GBE1: variants seen among roughly 807,000 people sequenced by gnomAD.
GBE1 encodes the protein 1,4-alpha-glucan-branching enzyme.
A neutral mutation model predicts 88.8 loss-of-function variants in GBE1; 70 were observed. The ratio of observed to expected loss-of-function variants is 0.79; its 90% CI spans 0.65 to 0.96. The LOEUF (loss-of-function observed/expected upper bound fraction) is 0.96. Ranked by LOEUF, GBE1 falls within the 40% of genes least tolerant of loss-of-function variation. The pLI is 0.00. For synonymous variants in GBE1, 284 were observed against 300.1 expected (o/e 0.95, Z 0.56); for missense variants, 872 against 871.0 (o/e 1.00, Z -0.01).
chr3:81,536,311 T>C (rs1703072652), intron 13 of GBE1, among the ~76,000 whole-genome samples: 1 of 151,946 alleles, frequency 6.6e-6, no homozygotes, highest in Non-Finnish European at 1.5e-5. Context: ...AGACATATTA[T>C]ATGTTAACTT....
At chr3:81,559,831 A>G (rs1179221838) in intron 12 of GBE1, among the ~76,000 whole-genome samples, 1 of 152,006 alleles carries the variant, frequency 6.6e-6, no homozygotes, top group Non-Finnish European at 1.5e-5. Context: ...TCTGCTCCAA[A>G]AATATTTGGA....
intron 1 of GBE1, among the ~76,000 whole-genome samples, chr3:81,748,643 G>T (rs1483665660): frequency 6.6e-6 from 1 of 151,586 alleles, no homozygotes; most frequent in African/African-American, 2.4e-5. Context: ...AAAAATTAAT[G>T]ATAATACCAA....
chr3:81,669,286 A>T (rs972244743), intron 3 of GBE1, among the ~76,000 whole-genome samples: 5 of 152,226 alleles, frequency 3.3e-5, no homozygotes, highest in African/African-American at 1.2e-4. Flanking sequence ...CAGTAAAGTT[A>T]ATCTGCCAAT....
At chr3:81,590,468 G>A (rs1703862143) in intron 9 of GBE1, among the ~76,000 whole-genome samples, 1 of 151,908 alleles carries the variant, frequency 6.6e-6, no homozygotes, top group Non-Finnish European at 1.5e-5. Context: ...TCACCAAGAG[G>A]GGAATTGTCA....
Position 81,523,423 on chromosome 3 carries a change from T to C in GBE1, c.1934+11772A>G, listed in dbSNP as rs546729080. The stretch of plus-strand genomic sequence containing the variant: ...TGAGATATTTTGATACAGGATACAA[T>C]ATGTAATAATCACATCAGGGTAAAT... On this transcript the variant is annotated intron_variant, in intron 14 of 15. Coordinates refer to ENST00000429644, the MANE Select transcript of GBE1 (RefSeq NM_000158.4). 1.6e-4 allele frequency among the ~76,000 whole-genome samples: 25 copies of C among 151,706 alleles called. No individual in the cohort carries two copies. The South Asian group carries it at 5.0e-3, about 30-fold the overall frequency.
At chr3:81,674,522 T>C (rs2107120133) in intron 2 of GBE1, among the ~76,000 whole-genome samples, 2 of 152,024 alleles carry the variant, frequency 1.3e-5, no homozygotes, top group East Asian at 1.9e-4. Flanking sequence ...CCTCAAATTA[T>C]TGGTATAAAA....
At chr3:81,699,670 T>C (rs1227437254) in intron 2 of GBE1, among the ~76,000 whole-genome samples, 1 of 152,172 alleles carries the variant, frequency 6.6e-6, no homozygotes, top group African/African-American at 2.4e-5. Context: ...TAGGCCCTTA[T>C]CTTTTTCAAA....
intron 2 of GBE1, among the ~76,000 whole-genome samples, chr3:81,673,492 A>G (rs570677920): frequency 6.6e-6 from 1 of 152,062 alleles, no homozygotes; most frequent in South Asian, 2.1e-4. Context: ...AAAGATTTGG[A>G]TATTTTGAAA....
At chr3:81,593,567 T>A (rs1703910455) in intron 8 of GBE1, among the ~76,000 whole-genome samples, 1 of 152,022 alleles carries the variant, frequency 6.6e-6, no homozygotes, top group Admixed American at 6.6e-5. Context: ...ATGTGTAATA[T>A]GTAAAAACCT....
At chr3:81,754,470 T>C (rs1204687157) in intron 1 of GBE1, among the ~76,000 whole-genome samples, 1 of 92,880 alleles carries the variant, frequency 1.1e-5, no homozygotes, top group Non-Finnish European at 2.3e-5. Flanking sequence ...TCCTAAAGTT[T>C]AAATGAAACC....
chr3:81,589,219 AAT>A (rs1703842245), intron 9 of GBE1, among the ~76,000 whole-genome samples: 1 of 152,034 alleles, frequency 6.6e-6, no homozygotes, highest in Non-Finnish European at 1.5e-5. Context: ...ATCAATCAAA[AAT>A]GTTTTAATTA....
chr3:81,551,534 C>T (rs570731223), intron 12 of GBE1, among the ~76,000 whole-genome samples: 2 of 152,144 alleles, frequency 1.3e-5, no homozygotes, highest in Non-Finnish European at 2.9e-5. Flanking sequence ...CTTGGAGAGG[C>T]TAAGCAGAAA....
At chr3:81,689,542 G>C (rs758881800) in intron 2 of GBE1, among the ~76,000 whole-genome samples, 2 of 152,168 alleles carry the variant, frequency 1.3e-5, no homozygotes, top group Non-Finnish European at 2.9e-5. Context: ...TAGATTTTAA[G>C]AACTCTTAAA....
At chr3:81,581,890 G>A (rs1045502850) in intron 10 of GBE1, among the ~76,000 whole-genome samples, 1 of 152,048 alleles carries the variant, frequency 6.6e-6, no homozygotes, top group East Asian at 1.9e-4. Flanking sequence ...AGCTTGTGGT[G>A]TGAGCTTAAG....
chr3:81,560,205 T>A (rs993439866), intron 12 of GBE1, among the ~76,000 whole-genome samples: 17 of 151,874 alleles, frequency 1.1e-4, no homozygotes, highest in Non-Finnish European at 1.9e-4. Context: ...TAAAAAAAAA[T>A]TTTTAAGTGC....
chr3:81,677,155 C>T (rs1400409465), intron 2 of GBE1, among the ~76,000 whole-genome samples: 2 of 152,148 alleles, frequency 1.3e-5, no homozygotes, highest in Non-Finnish European at 2.9e-5. Flanking sequence ...TTTCCTTAAA[C>T]ATGGCTGAAA....
intron 1 of GBE1, among the ~76,000 whole-genome samples, chr3:81,715,238 AT>A (rs1340871938): frequency 6.6e-6 from 1 of 152,172 alleles, no homozygotes; most frequent in Non-Finnish European, 1.5e-5. Flanking sequence ...AATTCAATGC[AT>A]CAGCTCAGGT....
intron 7 of GBE1, chr3:81,612,790 G>A: frequency 2.3e-6 from 1 of 432,476 alleles, no homozygotes; most frequent in Non-Finnish European, 4.4e-6. Context: ...GCAGGAGGTG[G>A]TCCAGAGAGC....
At chr3:81,706,998 C>CA (rs760072549) in intron 1 of GBE1, among the ~76,000 whole-genome samples, 269 of 146,826 alleles carry the variant, frequency 1.8e-3, no homozygotes, top group African/African-American at 5.7e-3. Flanking sequence ...CCAACATAGA[C>CA]AAAAAAAAAT....
Sources: gnomAD v4.1 joint callset for allele counts (sites outside exome capture counted in the v4.1 genomes callset) on GRCh38, gnomAD v4.1.1 for gene constraint, MANE v1.5 for transcripts, NCBI Gene and HGNC (gene_info 2026-07-23, HGNC 2026-07-21) for gene names.